ADGRB3: variants seen among roughly 807,000 people sequenced by gnomAD.
ADGRB3 encodes the protein adhesion G protein-coupled receptor B3.
A neutral mutation model predicts 193.4 loss-of-function variants in ADGRB3; 37 were observed. The observed-to-expected ratio is 0.19, with a 90% confidence interval of 0.15 to 0.25. The LOEUF (loss-of-function observed/expected upper bound fraction) is 0.25, where lower values mean the gene tolerates loss of function less well. Among genes scored for constraint, ADGRB3 ranks in the 10% least tolerant of loss-of-function variants. The probability of loss-of-function intolerance (pLI) is 1.00; values close to 1 mark genes in which losing one functional copy is unlikely to be tolerated. For missense variants in ADGRB3, 1,637 were observed against 1,852.9 expected (o/e 0.88, Z 2.14); for synonymous variants, 690 against 644.2 (o/e 1.07, Z -1.08).
intron 29 of ADGRB3, 79 bp downstream of exon 29, chr6:69,361,591 G>C: frequency 2.8e-6 from 4 of 1,441,898 alleles, no homozygotes; most frequent in Admixed American, 4.2e-5. Context: ...TTGATTGGTT[G>C]ATTGATTGAT....
chr6:69,227,984 G>C (rs991583066), intron 17 of ADGRB3, among the ~76,000 whole-genome samples: 10 of 152,180 alleles, frequency 6.6e-5, no homozygotes, highest in African/African-American at 2.4e-4. Flanking sequence ...GGCCGGGTGT[G>C]GTGGCTCACA....
intron 23 of ADGRB3, chr6:69,332,646 A>G: frequency 1.0e-6 from 1 of 985,452 alleles, no homozygotes; most frequent in South Asian, 4.7e-5. Flanking sequence ...ATAGTATGGT[A>G]CCATTTAAAA....
chr6:69,164,884 C>T (rs1775092134), intron 17 of ADGRB3, among the ~76,000 whole-genome samples: 1 of 152,062 alleles, frequency 6.6e-6, no homozygotes, highest in Non-Finnish European at 1.5e-5. Flanking sequence ...TGGCAGCTAG[C>T]ACAGTGCCTG....
At chr6:69,083,927 A>G (rs928235572) in intron 17 of ADGRB3, among the ~76,000 whole-genome samples, 2 of 152,038 alleles carry the variant, frequency 1.3e-5, no homozygotes, top group Non-Finnish European at 2.9e-5. Flanking sequence ...GGTACATGCC[A>G]CGACACCCAG....
At chr6:68,872,240 A>G (rs148122080) in intron 3 of ADGRB3, among the ~76,000 whole-genome samples, 3 of 152,224 alleles carry the variant, frequency 2.0e-5, no homozygotes, top group African/African-American at 4.8e-5. Context: ...TTTTTTGAAG[A>G]CAAGTCTTTG....
At chr6:69,115,446 G>C (rs1773502842) in intron 17 of ADGRB3, among the ~76,000 whole-genome samples, 1 of 152,114 alleles carries the variant, frequency 6.6e-6, no homozygotes, top group African/African-American at 2.4e-5. Context: ...GGCCAGACTG[G>C]GGGATCGGGG....
At chr6:69,033,397 C>T (rs1019482204) in intron 13 of ADGRB3, among the ~76,000 whole-genome samples, 6 of 152,086 alleles carry the variant, frequency 3.9e-5, no homozygotes, top group African/African-American at 1.2e-4. Context: ...TGCAAAATTT[C>T]GCCAATTATC....
intron 16 of ADGRB3, among the ~76,000 whole-genome samples, chr6:69,069,551 T>TAAAAAA (rs1772011384): frequency 1.9e-3 from 2 of 1,028 alleles, no homozygotes; most frequent in South Asian, 0.023. Context: ...CTACTAAAAA[T>TAAAAAA]ACAAAAAAAA....
chr6:68,638,570 G>C, intron 2 of ADGRB3, 91 bp from the exon 3 acceptor site: 1 of 1,299,708 alleles, frequency 7.7e-7, no homozygotes, highest in South Asian at 1.8e-5. Flanking sequence ...CTGAAATCTT[G>C]AAAACAGCTG....
chr6:68,872,596 A>T (rs1765491042), intron 3 of ADGRB3, among the ~76,000 whole-genome samples: 1 of 152,132 alleles, frequency 6.6e-6, no homozygotes, highest in Non-Finnish European at 1.5e-5. Flanking sequence ...TAATGTTTGT[A>T]TGCAGTATAC....
At chr6:69,343,044 G>A (rs1303838165) in intron 26 of ADGRB3, among the ~76,000 whole-genome samples, 1 of 151,920 alleles carries the variant, frequency 6.6e-6, no homozygotes, top group South Asian at 2.1e-4. Context: ...TCTACACAGG[G>A]GAAGAATATA....
At chr6:68,960,642 A>G (rs1453331188) in intron 8 of ADGRB3, among the ~76,000 whole-genome samples, 1 of 108,848 alleles carries the variant, frequency 9.2e-6, no homozygotes, top group Non-Finnish European at 2.0e-5. Flanking sequence ...CTTTTAACTT[A>G]GCTTCAGTAG....
chr6:68,911,883 T>C (rs541291910), intron 3 of ADGRB3, among the ~76,000 whole-genome samples: 31 of 152,134 alleles, frequency 2.0e-4, no homozygotes, highest in African/African-American at 7.0e-4. Context: ...GTTTCTGTTT[T>C]TTTTTTTAAT....
intron 17 of ADGRB3, among the ~76,000 whole-genome samples, chr6:69,193,158 T>C (rs754065394): frequency 6.6e-6 from 1 of 152,124 alleles, no homozygotes; most frequent in Non-Finnish European, 1.5e-5. Context: ...CCTATCTTTC[T>C]CCTTCATCCT....
intron 3 of ADGRB3, among the ~76,000 whole-genome samples, chr6:68,711,627 A>C (rs1212939069): frequency 6.6e-6 from 1 of 152,076 alleles, no homozygotes. Context: ...TAGCCCAACA[A>C]AGCTAATTAC....
At chr6:68,711,180 TA>T (rs1047057013) in intron 3 of ADGRB3, among the ~76,000 whole-genome samples, 2 of 152,116 alleles carry the variant, frequency 1.3e-5, no homozygotes, top group African/African-American at 4.8e-5. Flanking sequence ...CTCGGATTCA[TA>T]AGCCAAGACC....
In ADGRB3 at chr6:69,012,383, A is replaced by G. The variant is rs1419672743; in HGVS notation, c.1930-1655A>G. Among the ~76,000 whole-genome samples the G allele has an allele frequency of 2.6e-5, 4 of 152,048 alleles. No homozygotes were observed. The South Asian group carries it at 6.2e-4, about 24-fold the overall frequency. On this transcript the variant is annotated intron_variant, in intron 11 of 31. Coordinates refer to ENST00000370598, the MANE Select transcript of ADGRB3 (RefSeq NM_001704.3). ...ACAGCTAACTGGCATGTACAGGGAT[A>G]AAACCTGCAACTTTTGCCTCATTAG...
At chr6:68,798,389 A>G (rs188310911) in intron 3 of ADGRB3, among the ~76,000 whole-genome samples, 176 of 152,266 alleles carry the variant, frequency 1.2e-3, no homozygotes, top group African/African-American at 3.8e-3. Flanking sequence ...AGCTAATGCA[A>G]TGGAATACTA....
At chr6:68,921,932 T>A (rs909289526) in intron 3 of ADGRB3, among the ~76,000 whole-genome samples, 6 of 152,066 alleles carry the variant, frequency 3.9e-5, no homozygotes, top group Admixed American at 3.3e-4. Flanking sequence ...ATTTAAATGG[T>A]GCTTTAAAAC....
Sources: allele counts gnomAD v4.1 joint callset (sites outside exome capture counted in the v4.1 genomes callset), GRCh38; gene constraint gnomAD v4.1.1; transcripts MANE v1.5; gene names NCBI Gene and HGNC (gene_info 2026-07-23, HGNC 2026-07-21).